Variants in PXDNL observed in about 807,000 individuals in gnomAD.
PXDNL encodes the protein peroxidasin like.
A neutral mutation model predicts 150.8 loss-of-function variants in PXDNL; 145 were observed. The observed-to-expected ratio is 0.96, with a 90% CI of 0.84 to 1.10. PXDNL has a LOEUF of 1.10. Ranked by LOEUF, PXDNL falls within the 50% of genes least tolerant of loss-of-function variation. The pLI, the probability that PXDNL is intolerant of heterozygous loss-of-function variation, is 0.00. For synonymous variants in PXDNL, 757 were observed against 725.7 expected (o/e 1.04, Z -0.69); for missense variants, 2,087 against 1,873.9 (o/e 1.11, Z -2.10).
chr8:51,522,770 G>A (rs904973376), intron 4 of PXDNL, among the ~76,000 whole-genome samples: 5 of 152,110 alleles, frequency 3.3e-5, no homozygotes, highest in African/African-American at 1.2e-4. Flanking sequence ...CTTGAACTCA[G>A]GAGGCAGAGG....
chr8:51,696,827 A>ATC, intron 1 of PXDNL, among the ~76,000 whole-genome samples: 2 of 149,240 alleles, frequency 1.3e-5, no homozygotes, highest in African/African-American at 2.5e-5. Flanking sequence ...ACACACACAC[A>ATC]CACACACACA....
At chr8:51,477,864 A>T (rs139207231) in intron 6 of PXDNL, among the ~76,000 whole-genome samples, 153 of 152,274 alleles carry the variant, frequency 1.0e-3, no homozygotes, top group African/African-American at 3.3e-3. Context: ...AACTGAGCAC[A>T]AGATTTCATT....
chr8:51,555,118 C>T (rs945368924), intron 4 of PXDNL, among the ~76,000 whole-genome samples: 1 of 152,116 alleles, frequency 6.6e-6, no homozygotes, highest in Non-Finnish European at 1.5e-5. Context: ...TTCGTTGGCT[C>T]ACAATTCTAG....
intron 1 of PXDNL, among the ~76,000 whole-genome samples, chr8:51,747,512 T>C (rs2036998185): frequency 6.6e-6 from 1 of 152,222 alleles, no homozygotes; most frequent in Non-Finnish European, 1.5e-5. Flanking sequence ...ATGTTTAATG[T>C]GGCATGCAAG....
intron 4 of PXDNL, among the ~76,000 whole-genome samples, chr8:51,519,513 A>G (rs925075684): frequency 2.6e-5 from 4 of 152,106 alleles, no homozygotes; most frequent in Non-Finnish European, 4.4e-5. Context: ...GGCCTGGGCA[A>G]CAGAGTGAGA....
At chr8:51,440,655 T>A (rs774305194) in intron 12 of PXDNL, among the ~76,000 whole-genome samples, 1 of 152,172 alleles carries the variant, frequency 6.6e-6, no homozygotes, top group African/African-American at 2.4e-5. Context: ...CAAAATATAT[T>A]TTAAAATTAA....
intron 3 of PXDNL, among the ~76,000 whole-genome samples, chr8:51,578,000 AGGAAGGAAGGAAGGAAGG>A (rs1563471204): frequency 2.1e-3 from 53 of 25,496 alleles, no homozygotes; most frequent in African/African-American, 6.9e-3. Flanking sequence ...AGAAAGAAAG[AGGAAGGAAGGAAGGAAGG>A]AAGGAAGGAA....
chr8:51,706,960 T>G (rs564537631), intron 1 of PXDNL, among the ~76,000 whole-genome samples: 1 of 152,332 alleles, frequency 6.6e-6, no homozygotes, highest in African/African-American at 2.4e-5. Context: ...AAAAAAATGC[T>G]TGGATTCCAA....
intron 1 of PXDNL, among the ~76,000 whole-genome samples, chr8:51,749,678 C>T (rs1320258369): frequency 2.0e-5 from 3 of 152,142 alleles, no homozygotes; most frequent in Admixed American, 1.3e-4. Context: ...ACACTGAACA[C>T]TTCAGCTACA....
intron 1 of PXDNL, among the ~76,000 whole-genome samples, chr8:51,772,676 A>T (rs2037311498): frequency 6.6e-6 from 1 of 152,184 alleles, no homozygotes. Flanking sequence ...CTAGGGTTGT[A>T]TGAAGTCTGT....
intron 3 of PXDNL, among the ~76,000 whole-genome samples, chr8:51,560,505 C>A (rs1382158563): frequency 6.6e-6 from 1 of 151,782 alleles, no homozygotes; most frequent in African/African-American, 2.4e-5. Flanking sequence ...TAAGCCCTTG[C>A]ATATATGGTC....
intron 2 of PXDNL, among the ~76,000 whole-genome samples, chr8:51,593,522 G>A (rs1396004993): frequency 6.6e-6 from 1 of 152,130 alleles, no homozygotes; most frequent in Non-Finnish European, 1.5e-5. Flanking sequence ...CAATGCTGGA[G>A]GATTCACTTT....
chr8:51,560,637 A>G (rs1178763891), intron 3 of PXDNL, among the ~76,000 whole-genome samples: 1 of 152,022 alleles, frequency 6.6e-6, no homozygotes, highest in Admixed American at 6.6e-5. Flanking sequence ...CTTGTACCAT[A>G]TACAAAAATT....
chr8:51,722,422 A>C (rs902164175), intron 1 of PXDNL, among the ~76,000 whole-genome samples: 1 of 152,088 alleles, frequency 6.6e-6, no homozygotes, highest in Non-Finnish European at 1.5e-5. Context: ...GTCACAGTGC[A>C]CTCTTCTAGC....
intron 8 of PXDNL, among the ~76,000 whole-genome samples, chr8:51,458,849 G>GACTTTTATAAACTTTATAAAACTTTATAA: frequency 6.6e-6 from 1 of 152,278 alleles, no homozygotes; most frequent in South Asian, 2.1e-4. Flanking sequence ...GGCCATATTT[G>GACTTTTATAAACTTTATAAAACTTTATAA]ACTTTTATGT....
rs114908679 is a variant in PXDNL, at chr8:51,794,546, A to G, written c.164+14635T>C. On this transcript the variant is annotated intron_variant, in intron 1 of 22. Transcript: ENST00000356297. ...AAAAGAATTTCCAACCCAGAATTTC[A>G]TATCTGCCAAACTAAGCTTCATAAG... 6.3e-3 allele frequency among the ~76,000 whole-genome samples: 962 copies of G among 152,330 alleles called. 11 individuals carry two copies. Among genetic ancestry groups the G allele is most frequent in the African/African-American group, 0.022 (898 of 41,582 alleles).
intron 21 of PXDNL, among the ~76,000 whole-genome samples, chr8:51,324,747 T>C (rs1047028379): frequency 6.6e-6 from 1 of 152,258 alleles, no homozygotes; most frequent in African/African-American, 2.4e-5. Flanking sequence ...ATTTCTGTTA[T>C]TGTAGTTTTC....
intron 20 of PXDNL, among the ~76,000 whole-genome samples, chr8:51,343,657 A>C (rs1342472598): frequency 6.6e-6 from 1 of 152,194 alleles, no homozygotes. Context: ...AGAAAAGGAC[A>C]GAAGGTAGTA....
chr8:51,733,791 C>G (rs1286815669), intron 1 of PXDNL, among the ~76,000 whole-genome samples: 16 of 144,476 alleles, frequency 1.1e-4, no homozygotes, highest in Non-Finnish European at 7.5e-5. Flanking sequence ...CTGGGTGACA[C>G]AGCAAGACTC....
Sources: allele counts gnomAD v4.1 joint callset (sites outside exome capture counted in the v4.1 genomes callset), GRCh38; gene constraint gnomAD v4.1.1; transcripts MANE v1.5; gene names NCBI Gene and HGNC (gene_info 2026-07-23, HGNC 2026-07-21).